ZNF385D: variants seen among roughly 807,000 people sequenced by gnomAD.
ZNF385D encodes zinc finger protein 659.
In ZNF385D, 15 loss-of-function variants were observed where a neutral mutation model predicts 35.8. The ratio of observed to expected loss-of-function variants is 0.42; its 90% CI spans 0.28 to 0.64. The LOEUF (loss-of-function observed/expected upper bound fraction) is 0.64. ZNF385D is among the 30% of genes least tolerant of loss of function. The probability of loss-of-function intolerance (pLI) is 0.23; values close to 1 mark genes in which losing one functional copy is unlikely to be tolerated. For synonymous variants in ZNF385D, 212 were observed against 186.8 expected, an observed-to-expected ratio of 1.13 and a Z score of -1.10; for missense variants, 474 against 494.6, an observed-to-expected ratio of 0.96 and a Z score of 0.39.
intron 3 of ZNF385D, among the ~76,000 whole-genome samples, chr3:22,093,777 C>T (rs557934687): frequency 5.3e-5 from 8 of 152,202 alleles, no homozygotes; most frequent in African/African-American, 1.9e-4. Flanking sequence ...ATAATTCCCA[C>T]AGTTGTTTAG....
rs2062292571 is a variant in ZNF385D at position 21,544,244 on chromosome 3, G to T, written c.276+20330C>A. Among the ~76,000 whole-genome samples the T allele has an allele frequency of 2.0e-5, 3 of 152,142 alleles. No individual in the cohort carries two copies. The South Asian group carries it at 6.2e-4, about 32-fold the overall frequency. On this transcript the variant is annotated intron_variant, in intron 3 of 7. Transcript: ENST00000281523. Reference sequence around the variant, plus strand: ...GAGAACTATTTGCTTTGCCAGCTTCGCAATTGGTAAGGCCTGGGGACATAT... The same window carrying T: ...GAGAACTATTTGCTTTGCCAGCTTCTCAATTGGTAAGGCCTGGGGACATAT...
intron 2 of ZNF385D, among the ~76,000 whole-genome samples, chr3:22,269,754 T>A (rs1223743906): frequency 6.6e-6 from 1 of 151,786 alleles, no homozygotes; most frequent in African/African-American, 2.4e-5. Context: ...TAATATAACC[T>A]CCAAACACCA....
rs151309928 is a variant in ZNF385D at position 21,621,768 on chromosome 3, T to C, written c.165+43118A>G. On this transcript the variant is annotated intron_variant, in intron 2 of 7. Coordinates refer to ENST00000281523, the MANE Select transcript of ZNF385D (RefSeq NM_024697.3). ...TTATCTTCTGAGATACTCAAGCACA[T>C]TGGCTGCTCTTATCACAAAAAGCTC... is the stretch of plus-strand genomic sequence containing the variant. Among the ~76,000 whole-genome samples, 360 of 151,960 alleles carry C rather than the reference T, an allele frequency of 2.4e-3. 3 individuals carry two copies. The highest frequency in any genetic ancestry group is 2.6e-3 in the Admixed American group (40 of 15,236).
chr3:22,244,582 C>A (rs1699674825), intron 2 of ZNF385D, among the ~76,000 whole-genome samples: 1 of 150,630 alleles, frequency 6.6e-6, no homozygotes, highest in Non-Finnish European at 1.5e-5. Context: ...TTTAATGTCC[C>A]TTTCAAGTAC....
intron 3 of ZNF385D, among the ~76,000 whole-genome samples, chr3:21,979,438 G>T (rs772086983): frequency 6.6e-6 from 1 of 152,138 alleles, no homozygotes; most frequent in Non-Finnish European, 1.5e-5. Flanking sequence ...CAGCTAGTTA[G>T]CCACTAAGCT....
intron 2 of ZNF385D, among the ~76,000 whole-genome samples, chr3:21,606,613 G>A (rs1004801658): frequency 5.9e-5 from 9 of 152,210 alleles, no homozygotes; most frequent in African/African-American, 2.2e-4. Context: ...CTAACTCCCA[G>A]AACAGATGAC....
chr3:22,010,123 A>C (rs1696476834), intron 3 of ZNF385D, among the ~76,000 whole-genome samples: 2 of 152,162 alleles, frequency 1.3e-5, no homozygotes, highest in Admixed American at 1.3e-4. Flanking sequence ...AAAAATCTAC[A>C]AGATTCCAAG....
intron 3 of ZNF385D, among the ~76,000 whole-genome samples, chr3:21,820,316 A>G (rs2073347289): frequency 6.6e-6 from 1 of 151,720 alleles, no homozygotes; most frequent in African/African-American, 2.4e-5. Flanking sequence ...ATAAATAAAA[A>G]GAAGAACCAA....
intron 3 of ZNF385D, among the ~76,000 whole-genome samples, chr3:21,862,317 C>T (rs549809339): frequency 5.4e-5 from 8 of 147,252 alleles, no homozygotes; most frequent in Admixed American, 2.7e-4. Context: ...TAATCAAGCT[C>T]AGGTTAAGAA....
intron 2 of ZNF385D, among the ~76,000 whole-genome samples, chr3:22,317,280 C>CAAAAAAAAAAAA (rs59675675): frequency 1.1e-4 from 3 of 26,102 alleles, no homozygotes; most frequent in Non-Finnish European, 2.0e-4. Context: ...ACTCCATCTC[C>CAAAAAAAAAAAA]AAAAAAAAAA....
intron 3 of ZNF385D, among the ~76,000 whole-genome samples, chr3:22,031,026 C>T (rs184702696): frequency 6.6e-6 from 1 of 152,230 alleles, no homozygotes; most frequent in Non-Finnish European, 1.5e-5. Context: ...TCCTTTGATT[C>T]TATGTCTCAT....
chr3:22,155,222 G>A lies in ZNF385D; in HGVS notation c.325+13595C>T, dbSNP rs1705509747. On this transcript the variant is annotated intron_variant, in intron 3 of 5. Transcript: ENST00000494108. ...AAAATAAATAAAAAGATCTATGTGA[G>A]AGAAGTACAGAAAAACATTATTGAT... 2.6e-5 allele frequency among the ~76,000 whole-genome samples: 4 copies of A among 152,060 alleles called. No homozygotes were observed. The South Asian group carries it at 8.3e-4, about 31-fold the overall frequency.
intron 3 of ZNF385D, among the ~76,000 whole-genome samples, chr3:22,079,196 T>C (rs1210652318): frequency 6.6e-6 from 1 of 152,018 alleles, no homozygotes; most frequent in Non-Finnish European, 1.5e-5. Flanking sequence ...CATAAATAAT[T>C]GTAACATTTT....
chr3:21,438,397 C>T (rs1163084807), intron 4 of ZNF385D, among the ~76,000 whole-genome samples: 1 of 152,138 alleles, frequency 6.6e-6, no homozygotes, highest in Non-Finnish European at 1.5e-5. Context: ...GATGTAAGGA[C>T]AAGTGGTCTG....
intron 2 of ZNF385D, among the ~76,000 whole-genome samples, chr3:22,253,876 G>C (rs936436349): frequency 2.0e-5 from 3 of 151,748 alleles, no homozygotes; most frequent in African/African-American, 7.3e-5. Flanking sequence ...TCAAATCCAT[G>C]GGAAAATAAA....
intron 3 of ZNF385D, among the ~76,000 whole-genome samples, chr3:22,130,192 T>A (rs933794575): frequency 6.6e-6 from 1 of 152,110 alleles, no homozygotes; most frequent in Non-Finnish European, 1.5e-5. Flanking sequence ...GGAATCCAAG[T>A]TGCAAGACAA....
intron 1 of ZNF385D, among the ~76,000 whole-genome samples, chr3:21,748,001 C>T (rs1575583190): frequency 1.3e-5 from 2 of 152,120 alleles, no homozygotes; most frequent in African/African-American, 4.8e-5. Flanking sequence ...TCCCTGCTTC[C>T]TTCTCCCATG....
intron 3 of ZNF385D, among the ~76,000 whole-genome samples, chr3:22,117,129 C>A (rs181964083): frequency 1.0e-3 from 159 of 152,098 alleles, no homozygotes; most frequent in African/African-American, 3.8e-3. Flanking sequence ...GGCTTTATGT[C>A]ATGGTATCTA....
At chr3:22,111,730 A>G (rs1283308964) in intron 3 of ZNF385D, among the ~76,000 whole-genome samples, 1 of 152,118 alleles carries the variant, frequency 6.6e-6, no homozygotes, top group Non-Finnish European at 1.5e-5. Context: ...TCAAACTTTT[A>G]TTTATTTTCT....
Sources: gnomAD v4.1 joint callset for allele counts (sites outside exome capture counted in the v4.1 genomes callset) on GRCh38, gnomAD v4.1.1 for gene constraint, MANE v1.5 for transcripts, NCBI Gene and HGNC (gene_info 2026-07-23, HGNC 2026-07-21) for gene names.